Variants in CACNA2D1 observed in about 807,000 individuals in gnomAD.
The protein encoded by CACNA2D1 is calcium voltage-gated channel auxiliary subunit alpha2delta 1.
In CACNA2D1, 53 loss-of-function variants were observed where a neutral mutation model predicts 171.5. The ratio of observed to expected loss-of-function variants is 0.31; its 90% confidence interval spans 0.25 to 0.39. The LOEUF (loss-of-function observed/expected upper bound fraction) is 0.39. Among genes scored for constraint, CACNA2D1 ranks in the 10% least tolerant of loss-of-function variants. CACNA2D1 has a pLI of 1.00. For missense variants in CACNA2D1, 903 were observed against 1,299.8 expected, an observed-to-expected ratio of 0.69 and a Z score of 4.69; for synonymous variants, 442 against 443.1, an observed-to-expected ratio of 1.00 and a Z score of 0.03.
chr7:81,983,373 A>C, intron 22 of CACNA2D1, 39 bp from the exon 23 acceptor site: 1 of 1,572,876 alleles, frequency 6.4e-7, no homozygotes, highest in Non-Finnish European at 8.7e-7. Context: ...AGGGAAACAA[A>C]AAAAAAAGAG....
intron 12 of CACNA2D1, chr7:82,029,934 A>G (rs1344437672): frequency 6.6e-6 from 1 of 151,892 alleles, no homozygotes; most frequent in Non-Finnish European, 1.5e-5. Context: ...CTTGGCATTA[A>G]TAAAGGTTAT....
intron 25 of CACNA2D1, among the ~76,000 whole-genome samples, chr7:81,972,197 C>T (rs1795352734): frequency 6.6e-6 from 1 of 151,142 alleles, no homozygotes; most frequent in Admixed American, 6.6e-5. Context: ...CATGGCGATT[C>T]CCAACCATCA....
intron 12 of CACNA2D1, among the ~76,000 whole-genome samples, chr7:82,015,845 C>T (rs935639494): frequency 6.6e-6 from 1 of 152,182 alleles, no homozygotes; most frequent in African/African-American, 2.4e-5. Flanking sequence ...GTCTTGGCCA[C>T]ACAGATCACA....
chr7:81,947,327 TG>T lies in CACNA2D1; in HGVS notation c.*3064del, dbSNP rs1313849887. Reference sequence around the variant, plus strand: ...TACAAATGGCAGGAACACTGTTTTTTGTTTTTTTTTTTCCCAAGTTAAGCAG... The same window carrying T: ...TACAAATGGCAGGAACACTGTTTTTTTTTTTTTTTTTCCCAAGTTAAGCAG... On this transcript the variant is annotated 3_prime_UTR_variant, in exon 39 of 39. Transcript: ENST00000356860. 1 of 151,402 alleles carries T rather than the reference TG, an allele frequency of 6.6e-6. No homozygotes were observed. The highest frequency in any genetic ancestry group is 2.4e-5 in the African/African-American group (1 of 41,304). 9.4% of individuals were successfully genotyped at this position (151,402 alleles called of 1,614,324 possible).
At chr7:82,176,264 T>C (rs1796529646) in intron 3 of CACNA2D1, among the ~76,000 whole-genome samples, 1 of 152,026 alleles carries the variant, frequency 6.6e-6, no homozygotes, top group East Asian at 1.9e-4. Context: ...TCCATGAATA[T>C]TGAGTATAAT....
At chr7:82,417,587 T>C (rs1314764754) in intron 1 of CACNA2D1, among the ~76,000 whole-genome samples, 2 of 152,202 alleles carry the variant, frequency 1.3e-5, no homozygotes, top group Non-Finnish European at 2.9e-5. Context: ...CAATTTACTA[T>C]GCAGATTCAA....
At chr7:81,969,493 CTAT>C (rs924175548) in intron 28 of CACNA2D1, among the ~76,000 whole-genome samples, 7 of 151,172 alleles carry the variant, frequency 4.6e-5, no homozygotes, top group African/African-American at 1.7e-4. Flanking sequence ...AAAAGATAAG[CTAT>C]TATTAATTGT....
chr7:82,278,131 A>T (rs972794280), intron 3 of CACNA2D1, among the ~76,000 whole-genome samples: 1 of 152,114 alleles, frequency 6.6e-6, no homozygotes, highest in Non-Finnish European at 1.5e-5. Flanking sequence ...ACCTTCATTT[A>T]TTCAACTTTT....
At chr7:82,334,853 T>A (rs1199428886) in intron 3 of CACNA2D1, among the ~76,000 whole-genome samples, 1 of 152,094 alleles carries the variant, frequency 6.6e-6, no homozygotes, top group Non-Finnish European at 1.5e-5. Context: ...GATTTAAACA[T>A]GTTCAATTTA....
intron 3 of CACNA2D1, among the ~76,000 whole-genome samples, chr7:82,272,725 C>A (rs1237173128): frequency 1.3e-5 from 2 of 152,110 alleles, no homozygotes; most frequent in Non-Finnish European, 2.9e-5. Context: ...CCTAGTACTT[C>A]TTTTGGTAAA....
At chr7:82,067,354 T>C (rs1807769212) in intron 7 of CACNA2D1, among the ~76,000 whole-genome samples, 1 of 152,160 alleles carries the variant, frequency 6.6e-6, no homozygotes, top group African/African-American at 2.4e-5. Flanking sequence ...CCTGGGCAAA[T>C]GCCTAGTTCA....
intron 7 of CACNA2D1, among the ~76,000 whole-genome samples, chr7:82,070,859 T>C (rs895793124): frequency 1.3e-5 from 2 of 152,146 alleles, no homozygotes; most frequent in African/African-American, 4.8e-5. Context: ...CCAGTACCTA[T>C]TTGAACATCA....
In CACNA2D1 at chr7:82,201,111, C is replaced by T. The variant is rs3801713; in HGVS notation, c.295-30502G>A. Among the ~76,000 whole-genome samples, 4 of 152,032 alleles carry T rather than the reference C, an allele frequency of 2.6e-5. No homozygotes were observed. In the East Asian group the frequency reaches 7.7e-4, roughly 29 times the overall value. Reference sequence around the variant, plus strand: ...GCTCAACAAATAATAGATGTGATACCACTAGATACCAGGTAGGGTATTGGA... The same window carrying T: ...GCTCAACAAATAATAGATGTGATACTACTAGATACCAGGTAGGGTATTGGA... On this transcript the variant is annotated intron_variant, in intron 3 of 38. Coordinates refer to ENST00000356860, the MANE Select transcript of CACNA2D1 (RefSeq NM_000722.4).
At chr7:82,316,102 C>A (rs986287697) in intron 3 of CACNA2D1, among the ~76,000 whole-genome samples, 1 of 151,548 alleles carries the variant, frequency 6.6e-6, no homozygotes, top group African/African-American at 2.4e-5. Flanking sequence ...GTTTTAAAAC[C>A]TATAATTATA....
intron 3 of CACNA2D1, among the ~76,000 whole-genome samples, chr7:82,236,430 ACT>A (rs893204077): frequency 3.3e-5 from 5 of 152,052 alleles, no homozygotes; most frequent in Non-Finnish European, 2.9e-5. Flanking sequence ...GACATGCATA[ACT>A]AATGCACAAC....
chr7:82,277,763 T>G (rs75529559), intron 3 of CACNA2D1, among the ~76,000 whole-genome samples: 1 of 150,598 alleles, frequency 6.6e-6, no homozygotes, highest in Non-Finnish European at 1.5e-5. Context: ...TTTTTTTTTT[T>G]GAGATGGAGT....
intron 5 of CACNA2D1, among the ~76,000 whole-genome samples, chr7:82,122,940 T>C (rs1299539885): frequency 6.6e-6 from 1 of 152,240 alleles, no homozygotes; most frequent in East Asian, 1.9e-4. Flanking sequence ...AGATCAATGA[T>C]ATTCTCTTGA....
intron 1 of CACNA2D1, among the ~76,000 whole-genome samples, chr7:82,414,996 A>G (rs1215142557): frequency 6.6e-6 from 1 of 152,234 alleles, no homozygotes; most frequent in Non-Finnish European, 1.5e-5. Context: ...AAGAAAAACA[A>G]CTTTCTAAAT....
intron 4 of CACNA2D1, among the ~76,000 whole-genome samples, chr7:82,146,433 T>TAC (rs1793089072): frequency 7.8e-6 from 1 of 128,016 alleles, no homozygotes; most frequent in Non-Finnish European, 1.8e-5. Context: ...CATATACATA[T>TAC]TTATATTTAT....
Sources: gnomAD v4.1 joint callset for allele counts (sites outside exome capture counted in the v4.1 genomes callset) on GRCh38, gnomAD v4.1.1 for gene constraint, MANE v1.5 for transcripts, NCBI Gene and HGNC (gene_info 2026-07-23, HGNC 2026-07-21) for gene names.